Variants in LEMD1 observed in about 807,000 individuals in gnomAD.
LEMD1 encodes the protein LEM domain-containing protein 1.
In LEMD1, 18 loss-of-function variants were observed where a neutral mutation model predicts 17.4. The observed-to-expected ratio is 1.04, with a 90% CI of 0.72 to 1.54. The LOEUF is 1.54. Among genes scored for constraint, LEMD1 ranks in the 40% most tolerant of loss-of-function variants. LEMD1 has a pLI of 0.00. For missense variants in LEMD1, 195 were observed against 210.4 expected (o/e 0.93, Z 0.45); for synonymous variants, 88 against 77.8 (o/e 1.13, Z -0.69).
chr1:205,430,040 A>G (rs1247397025), intron 1 of LEMD1, among the ~76,000 whole-genome samples: 3 of 152,216 alleles, frequency 2.0e-5, no homozygotes, highest in Non-Finnish European at 4.4e-5. Flanking sequence ...TGGGACACAT[A>G]TTAATGGCAG....
In LEMD1 at chr1:205,441,834, G is replaced by A. The variant is rs914606434; in HGVS notation, c.-39+8034C>T. On this transcript the variant is annotated intron_variant, in intron 1 of 3. Coordinates refer to the LEMD1 transcript ENST00000367154. The surrounding 1 kb of genome is among the most constrained non-coding windows in gnomAD (Gnocchi z 4.3). ...ACATAAGTCTGAGGTAGAGGCTGAG[G>A]CTGGATCTGCCCCAGCTGGACACGC... Among the ~76,000 whole-genome samples the A allele has an allele frequency of 1.3e-5, 2 of 152,194 alleles. No homozygotes were observed. Among genetic ancestry groups the A allele is most frequent in the African/African-American group, 4.8e-5 (2 of 41,454 alleles).
At chr1:205,395,038 A>T (rs1664524582) in intron 4 of LEMD1, among the ~76,000 whole-genome samples, 1 of 152,074 alleles carries the variant, frequency 6.6e-6, no homozygotes, top group Non-Finnish European at 1.5e-5. Context: ...CTCAGTTTTT[A>T]AAAATCTTGA....
chr1:205,393,883 G>A (rs1351270773), intron 4 of LEMD1, among the ~76,000 whole-genome samples: 1 of 150,848 alleles, frequency 6.6e-6, no homozygotes, highest in Admixed American at 6.6e-5. Context: ...TGGAAATCAG[G>A]TACTCAAATA....
At chr1:205,415,196 G>A (rs1387802391) in intron 4 of LEMD1, among the ~76,000 whole-genome samples, 3 of 152,156 alleles carry the variant, frequency 2.0e-5, no homozygotes, top group Admixed American at 1.3e-4. Context: ...GCATGAACAC[G>A]TCTGTGTAAC....
At chr1:205,447,422 A>C (rs1293954610) in intron 1 of LEMD1, among the ~76,000 whole-genome samples, 1 of 152,146 alleles carries the variant, frequency 6.6e-6, no homozygotes, top group South Asian at 2.1e-4. Flanking sequence ...TACCAAATCT[A>C]GTGCTTTCTG....
At chr1:205,421,231 C>A (rs1425847421) in intron 1 of LEMD1, among the ~76,000 whole-genome samples, 3 of 152,162 alleles carry the variant, frequency 2.0e-5, no homozygotes, top group African/African-American at 7.2e-5. Flanking sequence ...TCCAAATCTG[C>A]ACAACCTCAA....
chr1:205,407,443 C>T (rs1210282061), intron 4 of LEMD1, among the ~76,000 whole-genome samples: 1 of 151,722 alleles, frequency 6.6e-6, no homozygotes, highest in African/African-American at 2.4e-5. Context: ...TTCAGTCAAT[C>T]ATGCGTAAGT....
At chr1:205,423,225 T>TG (rs928778153), upstream of LEMD1, among the ~76,000 whole-genome samples, 15 of 152,218 alleles carry the variant, frequency 9.9e-5, no homozygotes, top group African/African-American at 3.4e-4. Context: ...CCAAGGGCTA[T>TG]GGCTCCACAG....
At chr1:205,429,170 A>G (rs551324319) in intron 1 of LEMD1, among the ~76,000 whole-genome samples, 4 of 152,318 alleles carry the variant, frequency 2.6e-5, no homozygotes, top group South Asian at 2.1e-4. Flanking sequence ...TCCATCTCCA[A>G]TGACCTAGAG....
chr1:205,404,508 A>T (rs1664998924), intron 4 of LEMD1, among the ~76,000 whole-genome samples: 1 of 152,094 alleles, frequency 6.6e-6, no homozygotes, highest in Non-Finnish European at 1.5e-5. Flanking sequence ...TGTTTTTCAG[A>T]TACTAGGATT....
chr1:205,437,128 A>G (rs1042991500), intron 1 of LEMD1: 1 of 152,438 alleles, frequency 6.6e-6, no homozygotes. Flanking sequence ...AGACAGGACA[A>G]ACTCCAGCCT....
chr1:205,381,399 C>A lies in LEMD1; in HGVS notation c.*259G>T. The A allele has an allele frequency of 2.0e-6, 1 of 494,874 alleles. No individual in the cohort carries two copies. The highest frequency in any genetic ancestry group is 3.6e-6 in the Non-Finnish European group (1 of 275,166). 30.7% of individuals were successfully genotyped at this position (494,874 alleles called of 1,614,324 possible). On this transcript the variant is annotated 3_prime_UTR_variant, in exon 6 of 6. Coordinates refer to ENST00000367153, the MANE Select transcript of LEMD1 (RefSeq NM_001199050.2). Reference sequence around the variant, plus strand: ...ACAGTTTCCTTGTTTGACGCCTGCTCAAATATGGAAGCACCTTTAATGAGA... The same window carrying A: ...ACAGTTTCCTTGTTTGACGCCTGCTAAAATATGGAAGCACCTTTAATGAGA...
At chr1:205,403,129 C>T (rs941521863) in intron 4 of LEMD1, among the ~76,000 whole-genome samples, 4 of 152,032 alleles carry the variant, frequency 2.6e-5, no homozygotes, top group African/African-American at 9.7e-5. Flanking sequence ...ATTTTTGCAT[C>T]AATGTTCATC....
At chr1:205,447,691 G>T (rs1160635021) in intron 1 of LEMD1, among the ~76,000 whole-genome samples, 1 of 152,012 alleles carries the variant, frequency 6.6e-6, no homozygotes, top group Non-Finnish European at 1.5e-5. Context: ...CGCAGGAGGG[G>T]GCAGCTCCTG....
intron 5 of LEMD1, among the ~76,000 whole-genome samples, chr1:205,383,639 CTT>C (rs1170166649): frequency 8.4e-6 from 1 of 118,500 alleles, no homozygotes. Context: ...TTTCTTTTTT[CTT>C]TTTTTTTTTT....
Position 205,388,472 on chromosome 1 carries a change from A to C in LEMD1, c.271-4108T>G, listed in dbSNP as rs193030109. Among the ~76,000 whole-genome samples, 406 of 152,328 alleles carry C rather than the reference A, an allele frequency of 2.7e-3. 2 individuals carry two copies. The highest frequency in any genetic ancestry group is 9.5e-3 in the African/African-American group (393 of 41,576). ...CCAAAGTGCAGGGATTACAAGTGTG[A>C]GCCACCATGCCTGGCCAATTCACTT... On this transcript the variant is annotated intron_variant, in intron 4 of 5. Transcript: ENST00000367153.
chr1:205,406,734 A>G (rs11240472), intron 4 of LEMD1, among the ~76,000 whole-genome samples: 46,728 of 152,022 alleles, frequency 0.31, 7,542 homozygotes, highest in African/African-American at 0.38. Context: ...CCACTGTCTG[A>G]CACTCCCCAG....
intron 4 of LEMD1, among the ~76,000 whole-genome samples, chr1:205,397,803 G>A (rs926666815): frequency 6.6e-6 from 1 of 152,096 alleles, no homozygotes; most frequent in African/African-American, 2.4e-5. Flanking sequence ...GCCAATATTG[G>A]TGTATTCTTA....
chr1:205,385,469 C>T (rs1663955258), intron 4 of LEMD1: 1 of 152,334 alleles, frequency 6.6e-6, no homozygotes, highest in Non-Finnish European at 1.5e-5. Flanking sequence ...TCCCAAAGTG[C>T]TGGGATTACA....
Sources: gnomAD v4.1 joint callset for allele counts (sites outside exome capture counted in the v4.1 genomes callset) on GRCh38, gnomAD v4.1.1 for gene constraint, Gnocchi (gnomAD v3.1) non-coding constraint, MANE v1.5 for transcripts, NCBI Gene and HGNC (gene_info 2026-07-23, HGNC 2026-07-21) for gene names.